PTX3: variants seen among roughly 807,000 people sequenced by gnomAD.
PTX3 encodes the protein pentraxin-related protein PTX3.
PTX3 carries 24 observed loss-of-function variants against 23.5 expected under a neutral mutation model. The observed-to-expected ratio is 1.02, with a 90% confidence interval of 0.74 to 1.43. PTX3 has a LOEUF of 1.43. Among genes scored for constraint, PTX3 ranks in the 40% most tolerant of loss-of-function variants. The pLI, the probability that PTX3 is intolerant of heterozygous loss-of-function variation, is 0.00. For synonymous variants in PTX3, 218 were observed against 205.4 expected (o/e 1.06, Z -0.53); for missense variants, 510 against 497.5 (o/e 1.02, Z -0.24).
chr3:157,442,725 A>T lies in PTX3; in HGVS notation c.892A>T (p.Thr298Ser), dbSNP rs749750187. Residue 298 changes from threonine (T) to serine (S), a missense_variant, in exon 3 of 3, where the codon ACA (threonine) becomes TCA (serine). By Grantham distance (58) the Thr-to-Ser change is moderately conservative (BLOSUM62 1). Transcript: ENST00000295927. Reference sequence around the variant, plus strand: ...GGCGGCTACCACTGTTGAGATGGCCACAGGTCACATTGTTCCTGAGGGAGG... The same window carrying T: ...GGCGGCTACCACTGTTGAGATGGCCTCAGGTCACATTGTTCCTGAGGGAGG... Reference protein sequence around the residue: ...ELAATTVEMATGHIVPEGGIL... With the variant: ...ELAATTVEMASGHIVPEGGIL... The T allele has an allele frequency of 6.2e-7, 1 of 1,614,228 alleles. No individual in the cohort carries two copies. Among genetic ancestry groups the T allele is most frequent in the Non-Finnish European group, 8.5e-7 (1 of 1,180,042 alleles).
intron 2 of PTX3, among the ~76,000 whole-genome samples, chr3:157,438,803 C>T (rs142705545): frequency 3.3e-4 from 50 of 152,290 alleles, no homozygotes; most frequent in African/African-American, 1.1e-3. Flanking sequence ...CCAATCAATA[C>T]TCCTTTGTAT....
In PTX3 at chr3:157,436,987, G is replaced by A; in HGVS notation, c.54G>A (p.Glu18=). The A allele has an allele frequency of 6.2e-7, 1 of 1,614,038 alleles. No individual in the cohort carries two copies. The highest frequency in any genetic ancestry group is 8.5e-7 in the Non-Finnish European group (1 of 1,179,946). ...CTCTCTGGTCTGCAGTGTTGGCCGA[G>A]AACTCGGATGATTATGATCTCATGT... The part of the protein sequence containing the change: ...FCALWSAVLA[E]NSDDYDLMYV... The change falls in exon 1 of 3, where the codon GAG becomes GAA. Residue 18 remains glutamate (E), a synonymous_variant. Coordinates refer to ENST00000295927, the MANE Select transcript of PTX3 (RefSeq NM_002852.4).
intron 2 of PTX3, among the ~76,000 whole-genome samples, chr3:157,441,746 G>A (rs1263584980): frequency 1.3e-5 from 2 of 151,706 alleles, no homozygotes; most frequent in Non-Finnish European, 2.9e-5. Flanking sequence ...GGAAGCGAAG[G>A]TTGCCGTGAG....
rs1353654556 is a variant in PTX3, at chr3:157,437,905, C to T, written c.523C>T (p.Leu175=). Residue 175 remains leucine (L), a synonymous_variant, in exon 2 of 3, where the codon CTG becomes TTG. Transcript: ENST00000295927. ...GCAGGGCTGGGCTGCCCGGAGCTGG[C>T]TGCCGGCAGGTAAGGAGGCAAGCGG... is the stretch of plus-strand genomic sequence containing the variant. ...AVQGWAARSW[L]PAGCETAILF... 7.9e-6 allele frequency: 12 copies of T among 1,523,716 alleles called. No individual in the cohort carries two copies. The highest frequency in any genetic ancestry group is 1.0e-5 in the Non-Finnish European group (12 of 1,143,468). The allele number at this position is 1,523,716 out of a possible 1,614,324, so 94.4% of individuals were successfully genotyped here. A position where few individuals can be genotyped will look rare whatever the true frequency, so the allele number is the denominator to read the frequency against.
rs1364870422 is a variant in PTX3 at position 157,436,851 on chromosome 3, C to T, written c.-83C>T. ...AAGGACTCTCTGCTCCAGCCTCTCA[C>T]TCTCACTCTCCTCCGCTCAAACTCA... On this transcript the variant is annotated 5_prime_UTR_variant, in exon 1 of 3. Transcript: ENST00000295927. The T allele has an allele frequency of 4.7e-6, 7 of 1,482,564 alleles. No homozygotes were observed. Among genetic ancestry groups the T allele is most frequent in the African/African-American group, 1.4e-5 (1 of 70,846 alleles). 91.8% of individuals were successfully genotyped at this position (1,482,564 alleles called of 1,614,324 possible).
rs146705881 is a variant in PTX3 at position 157,442,860 on chromosome 3, C to T, written c.1027C>T (p.Leu343Phe). 6.2e-7 allele frequency: 1 copy of T among 1,614,020 alleles called. No individual in the cohort carries two copies. The change falls in exon 3 of 3, where the codon CTT becomes TTT. Residue 343 changes from leucine to phenylalanine, a missense_variant. Coordinates refer to ENST00000295927, the MANE Select transcript of PTX3 (RefSeq NM_002852.4). ...AGGCTTCAATATCTGGGATAGTGTT[C>T]TTAGCAATGAAGAGATAAGAGAGAC... ...LTGFNIWDSV[L>F]SNEEIRETGG...
In PTX3 at chr3:157,442,786, G is replaced by A. The variant is rs770857279; in HGVS notation, c.953G>A (p.Cys318Tyr). The A allele has an allele frequency of 6.2e-7, 1 of 1,614,254 alleles. No individual in the cohort carries two copies. The highest frequency in any genetic ancestry group is 8.5e-7 in the Non-Finnish European group (1 of 1,180,040). ...ATTGGCCAAGAAAAGAATGGCTGCT[G>A]TGTGGGTGGTGGCTTTGATGAAACA... ...LQIGQEKNGC[C>Y]VGGGFDETLA... Residue 318 changes from cysteine to tyrosine, a missense_variant, in exon 3 of 3, where the codon TGT becomes TAT. Physicochemically the swap from Cys to Tyr is radical, Grantham distance 194. Coordinates refer to ENST00000295927, the MANE Select transcript of PTX3 (RefSeq NM_002852.4).
At chr3:157,438,233 C>T (rs1055669079) in intron 2 of PTX3, among the ~76,000 whole-genome samples, 3 of 152,010 alleles carry the variant, frequency 2.0e-5, no homozygotes, top group Admixed American at 1.3e-4. Flanking sequence ...TACACCCGAT[C>T]CGACTAAGCG....
In PTX3 at chr3:157,437,557, C is replaced by T. The variant is rs762571322; in HGVS notation, c.175C>T (p.Leu59Phe). 1.2e-6 allele frequency: 2 copies of T among 1,602,936 alleles called. No individual in the cohort carries two copies. The highest frequency in any genetic ancestry group is 1.7e-6 in the Non-Finnish European group (2 of 1,176,222). Residue 59 changes from leucine (L) to phenylalanine (F), a missense_variant, in exon 2 of 3, where the codon CTC becomes TTC. Leu to Phe is a conservative substitution (Grantham distance 22, BLOSUM62 0). Coordinates refer to ENST00000295927, the MANE Select transcript of PTX3 (RefSeq NM_002852.4). ...TCAGGAGCACTCGGAATGGGACAAG[C>T]TCTTCATCATGCTGGAGAACTCGCA... ...CGQEHSEWDK[L>F]FIMLENSQMR...
rs1430639564 is a variant in PTX3 at position 157,437,687 on chromosome 3, C to A, written c.305C>A (p.Pro102Gln). Residue 102 changes from proline (P) to glutamine (Q), a missense_variant, in exon 2 of 3, where the codon CCG becomes CAG. Physicochemically the swap from Pro to Gln is moderately conservative, Grantham distance 76. Coordinates refer to ENST00000295927, the MANE Select transcript of PTX3 (RefSeq NM_002852.4). ...LGRLAESLARPCAPGAPAEAR... is the reference protein window; with the variant it reads ...LGRLAESLARQCAPGAPAEAR... Reference sequence around the variant, plus strand: ...CGGCTCGCGGAAAGCCTGGCGAGGCCGTGCGCGCCGGGGGCTCCCGCAGAG... The same window carrying A: ...CGGCTCGCGGAAAGCCTGGCGAGGCAGTGCGCGCCGGGGGCTCCCGCAGAG... 2.0e-6 allele frequency: 3 copies of A among 1,533,962 alleles called. No individual in the cohort carries two copies. Among genetic ancestry groups the A allele is most frequent in the Non-Finnish European group, 2.6e-6 (3 of 1,144,520 alleles).
At chr3:157,439,747 C>T (rs1577662955) in intron 2 of PTX3, among the ~76,000 whole-genome samples, 1 of 152,132 alleles carries the variant, frequency 6.6e-6, no homozygotes. Flanking sequence ...CTCTTGAACA[C>T]TACTTTTTTG....
chr3:157,439,212 G>A (rs2109211761), intron 2 of PTX3, among the ~76,000 whole-genome samples: 1 of 152,282 alleles, frequency 6.6e-6, no homozygotes, highest in South Asian at 2.1e-4. Context: ...ACCACGTAAA[G>A]TCATTGTACA....
In PTX3 at chr3:157,442,374, A is replaced by G. The variant is rs763959558; in HGVS notation, c.541A>G (p.Thr181Ala). 7 of 1,606,058 alleles carry G rather than the reference A, an allele frequency of 4.4e-6. No individual in the cohort carries two copies. In the South Asian group the frequency reaches 7.7e-5, roughly 18 times the overall value. ...TTTTCTTGCTACTCTAGGTTGTGAA[A>G]CAGCTATTTTATTCCCAATGCGTTC... ...ARSWLPAGCE[T>A]AILFPMRSKK... Residue 181 changes from threonine (T) to alanine (A), a missense_variant, in exon 3 of 3, where the codon ACA (threonine) becomes GCA (alanine). Thr to Ala is a moderately conservative substitution (Grantham distance 58, BLOSUM62 0). Transcript: ENST00000295927.
Position 157,443,553 on chromosome 3 carries a change from A to T in PTX3, c.*574A>T, listed in dbSNP as rs1231515151. The T allele has an allele frequency of 2.0e-5, 3 of 152,702 alleles. No homozygotes were observed. The highest frequency in any genetic ancestry group is 2.0e-4 in the Admixed American group (3 of 15,276). The allele number at this position is 152,702 out of a possible 1,614,324, so 9.5% of individuals were successfully genotyped here. A position where few individuals can be genotyped will look rare whatever the true frequency, so the allele number is the denominator to read the frequency against. ...TGTATTAATTTAAGACTATTTTTGT[A>T]AAGCTCTACTGTAAATAAAATATTT... On this transcript the variant is annotated 3_prime_UTR_variant, in exon 3 of 3. Coordinates refer to ENST00000295927, the MANE Select transcript of PTX3 (RefSeq NM_002852.4).
chr3:157,441,676 G>A (rs1023718669), intron 2 of PTX3, among the ~76,000 whole-genome samples: 1 of 152,008 alleles, frequency 6.6e-6, no homozygotes, highest in Non-Finnish European at 1.5e-5. Context: ...TGGGCGCAGT[G>A]GTGTGCACCT....
In PTX3 at chr3:157,442,715, T is replaced by C. The variant is rs1734228361; in HGVS notation, c.882T>C (p.Val294=). ...WVNGELAATT[V]EMATGHIVPE... ...ATGGTGAACTGGCGGCTACCACTGT[T>C]GAGATGGCCACAGGTCACATTGTTC... The change falls in exon 3 of 3, where the codon GTT becomes GTC. Residue 294 remains valine (V), a synonymous_variant. Transcript: ENST00000295927. The C allele has an allele frequency of 1.9e-6, 3 of 1,614,112 alleles. No homozygotes were observed. The highest frequency in any genetic ancestry group is 2.5e-6 in the Non-Finnish European group (3 of 1,180,014).
At position 157,442,967 on chromosome 3, in the gene PTX3, G is replaced by A; in HGVS notation, c.1134G>A (p.Gln378=). 1.3e-6 allele frequency: 2 copies of A among 1,598,416 alleles called. No individual in the cohort carries two copies. Among genetic ancestry groups the A allele is most frequent in the South Asian group, 2.2e-5 (2 of 89,780 alleles). ...VTEIQPHGGA[Q]YVS ...AGATCCAGCCACATGGAGGAGCTCAGTATGTTTCATAAATGTTGTGAAACT... is the reference window on the plus strand; with the variant it reads ...AGATCCAGCCACATGGAGGAGCTCAATATGTTTCATAAATGTTGTGAAACT... Residue 378 remains glutamine, a synonymous_variant, in exon 3 of 3, where the codon CAG becomes CAA. Transcript: ENST00000295927.
chr3:157,438,326 A>T (rs932185853), intron 2 of PTX3, among the ~76,000 whole-genome samples: 3 of 151,836 alleles, frequency 2.0e-5, no homozygotes, highest in Middle Eastern at 3.4e-3. Flanking sequence ...ACGTCTTCTA[A>T]TTTTATCCTG....
At position 157,437,915 on chromosome 3, in the gene PTX3, G is replaced by T. The variant is rs1188149746; in HGVS notation, c.532+1G>T. On this transcript the variant is annotated splice_donor_variant, in intron 2 of 2. Coordinates refer to ENST00000295927, the MANE Select transcript of PTX3 (RefSeq NM_002852.4). LOFTEE classifies it high-confidence loss of function. ...GCTGCCCGGAGCTGGCTGCCGGCAG[G>T]TAAGGAGGCAAGCGGGGCCGGGACC... The T allele has an allele frequency of 6.5e-7, 1 of 1,527,920 alleles. No homozygotes were observed. 94.6% of individuals were successfully genotyped at this position (1,527,920 alleles called of 1,614,324 possible).
Sources: gnomAD v4.1 joint callset for allele counts (sites outside exome capture counted in the v4.1 genomes callset) on GRCh38, gnomAD v4.1.1 for gene constraint, MANE v1.5 for transcripts, NCBI Gene and HGNC (gene_info 2026-07-23, HGNC 2026-07-21) for gene names.